ATAD2B: variants seen among roughly 807,000 people sequenced by gnomAD.
The protein encoded by ATAD2B is ATPase family AAA domain-containing protein 2B.
In ATAD2B, 40 loss-of-function variants were observed where a neutral mutation model predicts 167.6. The ratio of observed to expected loss-of-function variants is 0.24; its 90% CI spans 0.19 to 0.31. ATAD2B has a LOEUF of 0.31. Ranked by LOEUF, ATAD2B falls within the 10% of genes least tolerant of loss-of-function variation. ATAD2B has a pLI of 1.00. For missense variants in ATAD2B, 1,242 were observed against 1,757.2 expected, an observed-to-expected ratio of 0.71 and a Z score of 5.24; for synonymous variants, 579 against 596.5, an observed-to-expected ratio of 0.97 and a Z score of 0.43.
chr2:23,816,360 T>C (rs1216051863), intron 17 of ATAD2B, among the ~76,000 whole-genome samples: 1 of 152,158 alleles, frequency 6.6e-6, no homozygotes, highest in Admixed American at 6.5e-5. Context: ...AACAAGTCTA[T>C]TGTTCATAAA....
At chr2:23,875,939 TAATAA>T (rs1457514191) in intron 7 of ATAD2B, 35 bp from the exon 8 acceptor site, 1 of 1,393,144 alleles carries the variant, frequency 7.2e-7, no homozygotes, top group East Asian at 2.4e-5. Context: ...GAGAAATAAC[TAATAA>T]ATTGATAAAT....
At chr2:23,722,538 A>AAAT in the ATAD2B span, among the ~76,000 whole-genome samples, 1 of 152,182 alleles carries the variant, frequency 6.6e-6, no homozygotes, top group Non-Finnish European at 1.5e-5. Flanking sequence ...CAGACAAAAT[A>AAAT]AATAATAATA....
At chr2:23,893,804 G>A (rs1048290381) in intron 2 of ATAD2B, among the ~76,000 whole-genome samples, 1 of 151,364 alleles carries the variant, frequency 6.6e-6, no homozygotes. Context: ...CGAGTAGATC[G>A]GACTACAAGC....
chr2:23,809,063 T>G (rs1287254579), intron 18 of ATAD2B: 2 of 152,202 alleles, frequency 1.3e-5, no homozygotes, highest in Admixed American at 1.3e-4. Flanking sequence ...GTTTAGATTC[T>G]CTCTTCTCTG....
rs1357808759 is a variant in ATAD2B, at chr2:23,754,312, G to GA, written c.4207-6dup. ...CACCAACAAATCAAGCAATTTCTAA[G>GA]AAAAAACAGAAAAGAATAAAATGTA... On this transcript the variant is annotated splice_polypyrimidine_tract_variant and splice_region_variant and intron_variant, in intron 26 of 27. Transcript: ENST00000238789. 3.3e-6 allele frequency: 5 copies of GA among 1,536,930 alleles called. No homozygotes were observed. In the East Asian group the frequency reaches 9.6e-5, roughly 29 times the overall value.
intron 13 of ATAD2B, among the ~76,000 whole-genome samples, chr2:23,851,192 T>C (rs1431288636): frequency 6.6e-6 from 1 of 152,214 alleles, no homozygotes; most frequent in Non-Finnish European, 1.5e-5. Context: ...TCACCTAGGC[T>C]GTAGTTCGGT....
At chr2:23,857,037 C>T (rs1181116267) in intron 13 of ATAD2B, among the ~76,000 whole-genome samples, 3 of 150,872 alleles carry the variant, frequency 2.0e-5, no homozygotes, top group South Asian at 2.1e-4. Context: ...AGCAAGAACT[C>T]GTCTCTAAAA....
intron 22 of ATAD2B, among the ~76,000 whole-genome samples, chr2:23,772,720 A>G (rs1678521861): frequency 1.3e-5 from 2 of 152,150 alleles, no homozygotes; most frequent in African/African-American, 4.8e-5. Context: ...TTGAGAGGGA[A>G]CACTGCTTTT....
intron 14 of ATAD2B, chr2:23,832,748 T>A (rs752693599): frequency 6.6e-6 from 1 of 152,486 alleles, no homozygotes; most frequent in Non-Finnish European, 1.5e-5. Flanking sequence ...TTAGCTAAGA[T>A]AGTACAGAAG....
intron 17 of ATAD2B, among the ~76,000 whole-genome samples, chr2:23,811,681 G>A (rs1227763883): frequency 6.6e-6 from 1 of 151,960 alleles, no homozygotes; most frequent in African/African-American, 2.4e-5. Flanking sequence ...AACCACCATG[G>A]CACATGTATA....
intron 9 of ATAD2B, among the ~76,000 whole-genome samples, chr2:23,868,636 T>C (rs892769705): frequency 5.9e-5 from 9 of 152,322 alleles, no homozygotes; most frequent in Admixed American, 2.0e-4. Context: ...AGTTATATGA[T>C]TGAAAAAATT....
chr2:23,739,030 G>A, the ATAD2B span, among the ~76,000 whole-genome samples: 1 of 152,044 alleles, frequency 6.6e-6, no homozygotes, highest in African/African-American at 2.4e-5. Flanking sequence ...CCCAATACAG[G>A]AGCACCCAGA....
rs568891248 is a variant in ATAD2B at position 23,757,138 on chromosome 2, G to T, written c.4078+280C>A. ...CAGTCATAAATCCCTGAGGCTAGGG[G>T]TGATAATCAGGCAGGAGGCAGAAGA... is the stretch of plus-strand genomic sequence containing the variant. On this transcript the variant is annotated intron_variant, in intron 25 of 27. Transcript: ENST00000238789. Among the ~76,000 whole-genome samples the T allele has an allele frequency of 1.3e-4, 20 of 152,286 alleles. 1 individual carries two copies. The East Asian group carries it at 3.5e-3, about 26-fold the overall frequency.
At chr2:23,691,627 G>A in the ATAD2B span, 27 of 1,495,802 alleles carry the variant, frequency 1.8e-5, no homozygotes, top group African/African-American at 5.6e-5. Context: ...GAAGCGGCAC[G>A]GTGGCCGCAG....
intron 19 of ATAD2B, among the ~76,000 whole-genome samples, chr2:23,793,909 T>A (rs1162652886): frequency 6.6e-6 from 1 of 152,170 alleles, no homozygotes; most frequent in African/African-American, 2.4e-5. Context: ...ATATTAACAC[T>A]AACATTAAAA....
chr2:23,836,224 G>T (rs1689938047), intron 13 of ATAD2B, among the ~76,000 whole-genome samples: 1 of 152,190 alleles, frequency 6.6e-6, no homozygotes, highest in African/African-American at 2.4e-5. Context: ...GCTGCACCGG[G>T]GCGGGCAGCT....
intron 2 of ATAD2B, among the ~76,000 whole-genome samples, chr2:23,890,324 C>T (rs1699301766): frequency 6.6e-6 from 1 of 152,130 alleles, no homozygotes; most frequent in Non-Finnish European, 1.5e-5. Flanking sequence ...AGCCCCCCCG[C>T]CTTTCCTCTA....
chr2:23,782,840 A>C lies in ATAD2B; in HGVS notation c.3133+29T>G, dbSNP rs548500912. The C allele has an allele frequency of 2.3e-5, 36 of 1,572,216 alleles. 1 individual carries two copies. The South Asian group carries it at 3.8e-4, about 17-fold the overall frequency. ...GTAAACTGTCTTCTGATTGATTATC[A>C]AGGGGAACCTTGCCCTATGCATCCT... On this transcript the variant is annotated intron_variant, in intron 22 of 27. Coordinates refer to ENST00000238789, the MANE Select transcript of ATAD2B (RefSeq NM_017552.4).
At chr2:23,820,259 A>G (rs1374853249) in intron 16 of ATAD2B, among the ~76,000 whole-genome samples, 1 of 152,214 alleles carries the variant, frequency 6.6e-6, no homozygotes, top group Non-Finnish European at 1.5e-5. Flanking sequence ...TTAGTAGGTT[A>G]GCTGAGTCAA....
Sources: allele counts gnomAD v4.1 joint callset (sites outside exome capture counted in the v4.1 genomes callset), GRCh38; gene constraint gnomAD v4.1.1; transcripts MANE v1.5; gene names NCBI Gene and HGNC (gene_info 2026-07-23, HGNC 2026-07-21).